The following CACNA1C variants were observed in gnomAD, a reference collection of about 807,000 sequenced individuals.
CACNA1C encodes voltage-dependent L-type calcium channel subunit alpha-1C.
Under a neutral mutation model 229.0 loss-of-function variants are expected in CACNA1C, and 30 were observed. That is an observed-to-expected ratio of 0.13 (90% CI 0.10 to 0.18). The LOEUF (loss-of-function observed/expected upper bound fraction) is 0.18. CACNA1C is among the 10% of genes least tolerant of loss of function. The pLI is 1.00. For missense variants in CACNA1C, 1,658 were observed against 2,845.0 expected (o/e 0.58, Z 9.49); for synonymous variants, 1,114 against 1,132.5 (o/e 0.98, Z 0.33).
intron 9 of CACNA1C, among the ~76,000 whole-genome samples, chr12:2,537,838 G>A (rs1020270229): frequency 2.6e-5 from 4 of 151,666 alleles, no homozygotes; most frequent in African/African-American, 9.7e-5. Context: ...TTTCCCCATA[G>A]TCCCCGAGGG....
chr12:1,979,380 T>A (rs986778382), intron 1 of CACNA1C, among the ~76,000 whole-genome samples: 5 of 152,166 alleles, frequency 3.3e-5, no homozygotes, highest in Non-Finnish European at 1.5e-5. Flanking sequence ...AGTGGTGCCA[T>A]CTTGGCTCAC....
At chr12:2,446,152 G>T (rs546552539) in intron 3 of CACNA1C, among the ~76,000 whole-genome samples, 1 of 151,650 alleles carries the variant, frequency 6.6e-6, no homozygotes, top group South Asian at 2.1e-4. Flanking sequence ...TAAATGTATA[G>T]GTAGGTAGGT....
At chr12:2,170,962 T>C (rs2096454851) in intron 3 of CACNA1C, among the ~76,000 whole-genome samples, 1 of 152,180 alleles carries the variant, frequency 6.6e-6, no homozygotes. Context: ...GGCTGGTCTG[T>C]CCCTGTGCTT....
rs1283182888 is a variant in CACNA1C, at chr12:2,558,755, G to A, written c.1508+1778G>A. On this transcript the variant is annotated intron_variant, in intron 11 of 46. Coordinates refer to ENST00000399655, the MANE Select transcript of CACNA1C (RefSeq NM_000719.7). The stretch of plus-strand genomic sequence containing the variant: ...GACCAAGGGCTAAAAATTAAGTGGG[G>A]ACCCTGGTGTCTGACTTTTGCTCCA... Among the ~76,000 whole-genome samples the A allele has an allele frequency of 2.0e-5, 3 of 152,248 alleles. No individual in the cohort carries two copies. The East Asian group carries it at 5.8e-4, about 29-fold the overall frequency.
At position 2,605,740 on chromosome 12, in the gene CACNA1C, C is replaced by G; in HGVS notation, c.3110C>G (p.Thr1037Ser). The change falls in exon 24 of 47, where the codon ACC becomes AGC. Residue 1037 changes from threonine (T) to serine (S), a missense_variant. Around this residue, in one of 20 missense-constraint regions of CACNA1C, gnomAD observed 39 missense variants for 143.3 expected, o/e 0.27. Transcript: ENST00000399655. The surrounding 1 kb of genome is among the most constrained non-coding windows in gnomAD (Gnocchi z 6.2). ...RTIGNIVIVT[T>S]LLQFMFACIG... The stretch of plus-strand genomic sequence containing the variant: ...ATCGGGAACATCGTGATTGTCACCA[C>G]CCTGCTGCAGTTCATGTTTGCCTGC... 1 of 1,614,074 alleles carries G rather than the reference C, an allele frequency of 6.2e-7. No individual in the cohort carries two copies. Among genetic ancestry groups the G allele is most frequent in the Non-Finnish European group, 8.5e-7 (1 of 1,179,928 alleles).
chr12:2,206,097 G>T (rs1474968171), intron 3 of CACNA1C, among the ~76,000 whole-genome samples: 1 of 152,122 alleles, frequency 6.6e-6, no homozygotes, highest in Non-Finnish European at 1.5e-5. Context: ...TTTGAGGAGT[G>T]TTTAGGGAGG....
chr12:2,331,972 A>T (rs935394734), intron 3 of CACNA1C, among the ~76,000 whole-genome samples: 6 of 152,098 alleles, frequency 3.9e-5, no homozygotes, highest in Non-Finnish European at 7.4e-5. Context: ...CTTTTATTAA[A>T]TTTTTTTTGG....
At chr12:2,381,548 C>T (rs999768366) in intron 3 of CACNA1C, among the ~76,000 whole-genome samples, 1 of 152,206 alleles carries the variant, frequency 6.6e-6, no homozygotes, top group African/African-American at 2.4e-5. Flanking sequence ...ACCTCATCTG[C>T]AACAGCCCTG....
Position 2,651,405 on chromosome 12 carries a change from C to T in CACNA1C, c.3946-235C>T. ...AGGGGAATCGGGGAGAATAAAAACA[C>T]AGGACCACAGCCCAGCGGCCTGGGC... On this transcript the variant is annotated intron_variant, in intron 31 of 46. Coordinates refer to ENST00000399655, the MANE Select transcript of CACNA1C (RefSeq NM_000719.7). This position sits in a 1 kb window ranked among gnomAD's most constrained non-coding sequence, Gnocchi z 5.4. 1 of 577,614 alleles carries T rather than the reference C, an allele frequency of 1.7e-6. No individual in the cohort carries two copies. Among genetic ancestry groups the T allele is most frequent in the South Asian group, 2.4e-5 (1 of 41,060 alleles). The allele number at this position is 577,614 out of a possible 1,614,324, so 35.8% of individuals were successfully genotyped here.
At chr12:2,093,418 AT>A (rs2072270596) in intron 1 of CACNA1C, among the ~76,000 whole-genome samples, 1 of 152,368 alleles carries the variant, frequency 6.6e-6, no homozygotes, top group East Asian at 1.9e-4. Context: ...TCTCAGGGTT[AT>A]GTTGGAGCAG....
At chr12:2,397,043 T>C (rs1274172079) in intron 3 of CACNA1C, among the ~76,000 whole-genome samples, 2 of 152,260 alleles carry the variant, frequency 1.3e-5, no homozygotes. Context: ...CCTGTTTTCA[T>C]ATCTGATGAA....
chr12:2,620,703 C>T (rs892446934), intron 29 of CACNA1C, among the ~76,000 whole-genome samples: 5 of 152,206 alleles, frequency 3.3e-5, no homozygotes, highest in African/African-American at 7.2e-5. Flanking sequence ...AAAGTGAAAC[C>T]GAAGCCTACT....
chr12:2,624,984 C>T (rs898637522), intron 29 of CACNA1C, among the ~76,000 whole-genome samples: 2 of 152,326 alleles, frequency 1.3e-5, no homozygotes, highest in South Asian at 2.1e-4. Context: ...GCCAAGCTCC[C>T]GCATTCCCCT....
chr12:2,535,381 C>A (rs984390255), intron 9 of CACNA1C, among the ~76,000 whole-genome samples: 2 of 150,192 alleles, frequency 1.3e-5, no homozygotes, highest in Non-Finnish European at 3.0e-5. Context: ...AGAGTGAGGC[C>A]CTGTCTCAAA....
At position 2,417,361 on chromosome 12, in the gene CACNA1C, C is replaced by T. The variant is rs369284794; in HGVS notation, c.478-31615C>T. Among the ~76,000 whole-genome samples the T allele has an allele frequency of 1.3e-4, 20 of 152,322 alleles. No homozygotes were observed. In the East Asian group the frequency reaches 3.7e-3, roughly 28 times the overall value. The stretch of plus-strand genomic sequence containing the variant: ...GCCTGCACGGTAGTGGCTACAGACA[C>T]CCACAACAGGTTCAGTGGATCTCAA... On this transcript the variant is annotated intron_variant, in intron 3 of 46. Coordinates refer to ENST00000399655, the MANE Select transcript of CACNA1C (RefSeq NM_000719.7).
At chr12:2,104,309 C>T (rs1253483432) in intron 1 of CACNA1C, among the ~76,000 whole-genome samples, 2 of 151,996 alleles carry the variant, frequency 1.3e-5, no homozygotes, top group Non-Finnish European at 2.9e-5. Flanking sequence ...AAGTTGTATT[C>T]CTAGGTATTT....
At chr12:2,657,599 G>T (rs2095488780) in intron 34 of CACNA1C, among the ~76,000 whole-genome samples, 1 of 152,056 alleles carries the variant, frequency 6.6e-6, no homozygotes, top group Non-Finnish European at 1.5e-5. Context: ...ATGGAAATTA[G>T]AATAATAAAA....
intron 3 of CACNA1C, among the ~76,000 whole-genome samples, chr12:2,370,820 T>G (rs1019417615): frequency 9.2e-5 from 14 of 152,132 alleles, no homozygotes; most frequent in Non-Finnish European, 7.4e-5. Context: ...AGGCTTGGTG[T>G]TGTGATTGTA....
intron 1 of CACNA1C, among the ~76,000 whole-genome samples, chr12:2,105,242 C>T (rs1004956282): frequency 6.6e-6 from 1 of 152,218 alleles, no homozygotes; most frequent in Non-Finnish European, 1.5e-5. Flanking sequence ...TTTGCCTTCT[C>T]CAGCCTTCAT....
Sources: gnomAD v4.1 joint callset for allele counts (sites outside exome capture counted in the v4.1 genomes callset) on GRCh38, gnomAD v4.1.1 for gene constraint, gnomAD v4.1.1 regional missense constraint, Gnocchi (gnomAD v3.1) non-coding constraint, MANE v1.5 for transcripts, NCBI Gene and HGNC (gene_info 2026-07-23, HGNC 2026-07-21) for gene names.